Variants in PAGE2 observed in about 807,000 individuals in gnomAD.
PAGE2 encodes PAGE family member 2.
PAGE2 carries 6 observed loss-of-function variants against 7.5 expected under a neutral mutation model. The observed-to-expected ratio is 0.80, with a 90% CI of 0.44 to 1.57. The LOEUF is 1.57. Among genes scored for constraint, PAGE2 ranks in the 40% most tolerant of loss-of-function variants. The probability of loss-of-function intolerance (pLI) is 0.01; values close to 1 mark genes in which losing one functional copy is unlikely to be tolerated. For synonymous variants in PAGE2, 22 were observed against 25.4 expected, an observed-to-expected ratio of 0.87 and a Z score of 0.41; for missense variants, 72 against 76.4, an observed-to-expected ratio of 0.94 and a Z score of 0.21.
At chrX:55,090,328 G>GTCTATCTA (rs35160510) in intron 2 of PAGE2, among the ~76,000 whole-genome samples, 174 bp from the exon 3 acceptor site, 9,643 of 101,929 alleles carry the variant, frequency 0.095, 513 homozygotes, top group African/African-American at 0.11. Context: ...CTGTCTGTCT[G>GTCTATCTA]TCTATCTATC....
intron 3 of PAGE2, 109 bp from the exon 4 acceptor site, chrX:55,091,223 A>G: frequency 8.9e-7 from 1 of 1,125,929 alleles, no homozygotes; most frequent in Non-Finnish European, 1.2e-6. Flanking sequence ...TCCTGAAATA[A>G]TTAGCCTACC....
At position 55,090,105 on chromosome X, in the gene PAGE2, G is replaced by T; in HGVS notation, c.84+1G>T. The T allele has an allele frequency of 8.4e-7, 1 of 1,195,145 alleles. No individual in the cohort carries two copies. Among genetic ancestry groups the T allele is most frequent in the Non-Finnish European group, 1.1e-6 (1 of 883,496 alleles). ...TTCCCAGCCGGTTGGATCTGTGATT[G>T]TGAGTCTTTTAACATTTGATGTTTT... On this transcript the variant is annotated splice_donor_variant, in intron 2 of 4. Transcript: ENST00000374968. LOFTEE classifies it high-confidence loss of function.
intron 2 of PAGE2, 151 bp from the exon 3 acceptor site, chrX:55,090,351 T>TATCTATCTATCTATCTATCTATC: frequency 1.7e-6 from 1 of 573,989 alleles, no homozygotes; most frequent in Non-Finnish European, 2.8e-6. Context: ...TCTATCTATC[T>TATCTATCTATCTATCTATCTATC]ATCTATCTAT....
At position 55,091,340 on chromosome X, in the gene PAGE2, A is replaced by C; in HGVS notation, c.202A>C (p.Met68Leu). 8.3e-7 allele frequency: 1 copy of C among 1,206,873 alleles called. No homozygotes were observed. The highest frequency in any genetic ancestry group is 1.8e-5 in the African/African-American group (1 of 55,824). ...CCTTTTTATCTTTTAAGGGCCTGAC[A>C]TGGAAGCTTTTCAACAGGAACTGGC... ...QAVPAFQGPD[M>L]EAFQQELALL... The change falls in exon 4 of 5, where the codon ATG becomes CTG. Residue 68 changes from methionine to leucine, a missense_variant. Met to Leu is a conservative substitution (Grantham distance 15). Transcript: ENST00000374968.
chrX:55,089,186 G>C (rs1258245431), intron 1 of PAGE2, 83 bp downstream of exon 1: 1 of 111,717 alleles, frequency 9.0e-6, no homozygotes, highest in Non-Finnish European at 1.9e-5. Context: ...CAGGTCCTGC[G>C]GCACAGTCTG....
chrX:55,091,469 A>G lies in PAGE2; in HGVS notation c.319+12A>G, dbSNP rs1309488353. 1 of 1,202,772 alleles carries G rather than the reference A, an allele frequency of 8.3e-7. No homozygotes were observed. The highest frequency in any genetic ancestry group is 3.0e-5 in the East Asian group (1 of 33,563). On this transcript the variant is annotated intron_variant, in intron 4 of 4. Transcript: ENST00000374968. ...AGTGCTGGAAGCAGGTTTGTTATTC[A>G]TTTAAGATGCAAACTATTGTATTTC... is the stretch of plus-strand genomic sequence containing the variant.
At chrX:55,090,186 C>A in intron 2 of PAGE2, 82 bp downstream of exon 2, 1 of 945,402 alleles carries the variant, frequency 1.1e-6, no homozygotes, top group Non-Finnish European at 1.5e-6. Context: ...TACACTGATA[C>A]AGGTGTTCCA....
At chrX:55,090,253 A>G (rs1043894514) in intron 2 of PAGE2, 149 bp downstream of exon 2, 4 of 671,842 alleles carry the variant, frequency 6.0e-6, no homozygotes, top group Non-Finnish European at 8.8e-6. Context: ...CAGGAATACT[A>G]TATTCTGGTG....
intron 2 of PAGE2, 26 bp downstream of exon 2, chrX:55,090,130 TC>T (rs1936641217): frequency 8.7e-7 from 1 of 1,149,295 alleles, no homozygotes; most frequent in Non-Finnish European, 1.2e-6. Context: ...TTTGATGTTT[TC>T]TATTAACACA....
chrX:55,090,366 C>CATCT (rs774726542), intron 2 of PAGE2, 136 bp from the exon 3 acceptor site: 9 of 618,355 alleles, frequency 1.5e-5, no homozygotes, highest in Middle Eastern at 3.8e-4. Flanking sequence ...ATCTATCTAT[C>CATCT]ATCTATCTAT....
chrX:55,089,880 T>G, intron 1 of PAGE2, 133 bp from the exon 2 acceptor site: 1 of 508,929 alleles, frequency 2.0e-6, no homozygotes, highest in Non-Finnish European at 3.3e-6. Flanking sequence ...TGTGTACTTA[T>G]CATTGCTCTG....
intron 2 of PAGE2, 131 bp from the exon 3 acceptor site, chrX:55,090,371 A>G (rs1223129699): frequency 4.7e-5 from 30 of 632,783 alleles, no homozygotes; most frequent in Middle Eastern, 3.6e-4. Flanking sequence ...TCTATCATCT[A>G]TCTATCTATA....
chrX:55,090,077 G>A lies in PAGE2; in HGVS notation c.57G>A (p.Glu19=), dbSNP rs1231482839. The A allele has an allele frequency of 5.8e-6, 7 of 1,203,046 alleles. No individual in the cohort carries two copies. Among genetic ancestry groups the A allele is most frequent in the Admixed American group, 2.2e-5 (1 of 45,636 alleles). The change falls in exon 2 of 5, where the codon GAG becomes GAA. Residue 19 remains glutamate, a synonymous_variant. Transcript: ENST00000374968. The stretch of plus-strand genomic sequence containing the variant: ...CCTCAGAAAGAGGAAATGACCAAGA[G>A]TCTTCCCAGCCGGTTGGATCTGTGA... ...SQSSERGNDQ[E]SSQPVGSVIV...
Position 55,091,435 on chromosome X carries a change from T to G in PAGE2, c.297T>G (p.Asp99Glu), listed in dbSNP as rs754894462. 7 of 1,202,319 alleles carry G rather than the reference T, an allele frequency of 5.8e-6. No individual in the cohort carries two copies. In the South Asian group the frequency reaches 1.1e-4, roughly 18 times the overall value. The change falls in exon 4 of 5, where the codon GAT becomes GAG. Residue 99 changes from aspartate to glutamate, a missense_variant. Transcript: ENST00000374968. Reference sequence around the variant, plus strand: ...GGGAGGGTATTATGCCCACTTTTGATCTCACTAAAGTGCTGGAAGCAGGTT... The same window carrying G: ...GGGAGGGTATTATGCCCACTTTTGAGCTCACTAAAGTGCTGGAAGCAGGTT... ...DVREGIMPTF[D>E]LTKVLEAGDA...
At chrX:55,089,501 C>G (rs1369267450) in intron 1 of PAGE2, among the ~76,000 whole-genome samples, 1 of 109,833 alleles carries the variant, frequency 9.1e-6, no homozygotes, top group African/African-American at 3.4e-5. Flanking sequence ...GACTGTGGCC[C>G]CGAGGTCTGT....
At position 55,090,540 on chromosome X, in the gene PAGE2, A is replaced by G. The variant is rs867046180; in HGVS notation, c.123A>G (p.Glu41=). 1.7e-6 allele frequency: 2 copies of G among 1,206,810 alleles called. No homozygotes were observed. The highest frequency in any genetic ancestry group is 2.2e-5 in the Admixed American group (1 of 45,820). ...CTGAGGAAAAACGTCAAGAAGAGGA[A>G]CCACCAACTGATAATCAGGGTATTG... ...EPTEEKRQEE[E]PPTDNQGIAP... The change falls in exon 3 of 5, where the codon GAA becomes GAG. Residue 41 remains glutamate, a synonymous_variant. Coordinates refer to ENST00000374968, the MANE Select transcript of PAGE2 (RefSeq NM_207339.4).
intron 2 of PAGE2, 123 bp downstream of exon 2, chrX:55,090,227 G>T: frequency 1.3e-6 from 1 of 791,003 alleles, no homozygotes; most frequent in Non-Finnish European, 1.8e-6. Context: ...GGCATCTCAT[G>T]AAGGAAACTT....
chrX:55,090,944 G>A (rs1936650077), intron 3 of PAGE2, among the ~76,000 whole-genome samples: 1 of 108,896 alleles, frequency 9.2e-6, no homozygotes, highest in Admixed American at 9.6e-5. Flanking sequence ...CTGTGGACAC[G>A]TCATGTATTT....
intron 2 of PAGE2, 82 bp downstream of exon 2, chrX:55,090,186 C>T: frequency 1.1e-6 from 1 of 945,405 alleles, no homozygotes; most frequent in Non-Finnish European, 1.5e-6. Context: ...TACACTGATA[C>T]AGGTGTTCCA....
Sources: gnomAD v4.1 joint callset for allele counts (sites outside exome capture counted in the v4.1 genomes callset) on GRCh38, gnomAD v4.1.1 for gene constraint, MANE v1.5 for transcripts, NCBI Gene and HGNC (gene_info 2026-07-23, HGNC 2026-07-21) for gene names.